Variants in AGAP1 observed in about 807,000 individuals in gnomAD.
AGAP1 encodes the protein arf-GAP with GTPase, ANK repeat and PH domain-containing protein 1.
Under a neutral mutation model 105.3 loss-of-function variants are expected in AGAP1, and 29 were observed. The observed-to-expected ratio is 0.28, with a 90% CI of 0.21 to 0.38. AGAP1 has a LOEUF of 0.38. AGAP1 is among the 10% of genes least tolerant of loss of function. AGAP1 has a pLI of 1.00. For synonymous variants in AGAP1, 509 were observed against 485.9 expected, an observed-to-expected ratio of 1.05 and a Z score of -0.63; for missense variants, 998 against 1,165.1, an observed-to-expected ratio of 0.86 and a Z score of 2.09.
rs1236095634 is a variant in AGAP1, at chr2:235,953,514, A to G, written c.1484-14948A>G. Reference sequence around the variant, plus strand: ...AAGTATACTGCATTTTTTTCCCTCCAGCATTTCAAAGACATTACTCAAATT... The same window carrying G: ...AAGTATACTGCATTTTTTTCCCTCCGGCATTTCAAAGACATTACTCAAATT... On this transcript the variant is annotated intron_variant, in intron 12 of 17. Transcript: ENST00000304032. This position sits in a 1 kb window ranked among gnomAD's most constrained non-coding sequence, Gnocchi z 5.2. Among the ~76,000 whole-genome samples, 1 of 152,190 alleles carries G rather than the reference A, an allele frequency of 6.6e-6. No homozygotes were observed. The highest frequency in any genetic ancestry group is 1.9e-4 in the East Asian group (1 of 5,198).
chr2:235,996,375 A>C (rs1393242365), intron 13 of AGAP1, among the ~76,000 whole-genome samples: 2 of 152,182 alleles, frequency 1.3e-5, no homozygotes, highest in African/African-American at 4.8e-5. Context: ...GGTGTCTTCT[A>C]ATTTTTTTAA....
chr2:236,114,540 G>A lies in AGAP1; in HGVS notation c.2115-5652G>A, dbSNP rs2059723654. ...CGTCTCACAGTTCTGGAGGCTGGAAGTCTGGAGTCAGGGTGCCCGCAGGGT... is the reference window on the plus strand; with the variant it reads ...CGTCTCACAGTTCTGGAGGCTGGAAATCTGGAGTCAGGGTGCCCGCAGGGT... On this transcript the variant is annotated intron_variant, in intron 16 of 17. Transcript: ENST00000304032. The surrounding 1 kb of genome is among the most constrained non-coding windows in gnomAD (Gnocchi z 5.0). Among the ~76,000 whole-genome samples the A allele has an allele frequency of 6.6e-6, 1 of 152,216 alleles. No individual in the cohort carries two copies. The highest frequency in any genetic ancestry group is 1.5e-5 in the Non-Finnish European group (1 of 68,046).
chr2:235,636,051 T>C (rs1410737475), intron 1 of AGAP1, among the ~76,000 whole-genome samples: 2 of 151,892 alleles, frequency 1.3e-5, no homozygotes, highest in African/African-American at 4.8e-5. Context: ...AGGTGGAGGT[T>C]GCAGTGAGCC....
At chr2:235,876,408 G>T (rs1347688956) in intron 9 of AGAP1, among the ~76,000 whole-genome samples, 4 of 152,112 alleles carry the variant, frequency 2.6e-5, no homozygotes, top group Non-Finnish European at 5.9e-5. Flanking sequence ...CGGCCCTTGC[G>T]TGCTAAACCT....
chr2:235,628,654 A>G (rs1574995186), intron 1 of AGAP1, among the ~76,000 whole-genome samples: 1 of 151,978 alleles, frequency 6.6e-6, no homozygotes, highest in African/African-American at 2.4e-5. Context: ...ATTGGGGAAC[A>G]GGTGGTGTTT....
In AGAP1 at chr2:235,566,464, A is replaced by G. The variant is rs931078010; in HGVS notation, c.163+71615A>G. 1 of 544,340 alleles carries G rather than the reference A, an allele frequency of 1.8e-6. No homozygotes were observed. Among genetic ancestry groups the G allele is most frequent in the African/African-American group, 2.1e-5 (1 of 48,536 alleles). The allele number at this position is 544,340 out of a possible 1,614,324, so 33.7% of individuals were successfully genotyped here. ...ATTAACTCGAGATCAATATTGATTT[A>G]CTGTTTTGTTTTTTTATTTCCAGAT... is the stretch of plus-strand genomic sequence containing the variant. On this transcript the variant is annotated intron_variant, in intron 1 of 17. Coordinates refer to ENST00000304032, the MANE Select transcript of AGAP1 (RefSeq NM_001037131.3). The surrounding 1 kb of genome is among the most constrained non-coding windows in gnomAD (Gnocchi z 5.2).
At chr2:235,629,017 G>T (rs1202794065) in intron 1 of AGAP1, among the ~76,000 whole-genome samples, 1 of 151,884 alleles carries the variant, frequency 6.6e-6, no homozygotes, top group East Asian at 1.9e-4. Flanking sequence ...TCACCATATT[G>T]GCCAGGCTGG....
chr2:235,671,637 CCT>C (rs1948437437), intron 1 of AGAP1, among the ~76,000 whole-genome samples: 1 of 152,162 alleles, frequency 6.6e-6, no homozygotes, highest in Non-Finnish European at 1.5e-5. Flanking sequence ...GACGGAGGCC[CCT>C]CTCTCCACAG....
At chr2:235,699,199 G>T (rs1950141218) in intron 1 of AGAP1, among the ~76,000 whole-genome samples, 2 of 152,152 alleles carry the variant, frequency 1.3e-5, no homozygotes, top group African/African-American at 4.8e-5. Flanking sequence ...TTGGTGGGGT[G>T]TTACTGCTGG....
At position 235,655,367 on chromosome 2, in the gene AGAP1, T is replaced by G. The variant is rs1316984549; in HGVS notation, c.164-53812T>G. On this transcript the variant is annotated intron_variant, in intron 1 of 17. Coordinates refer to ENST00000304032, the MANE Select transcript of AGAP1 (RefSeq NM_001037131.3). This position sits in a 1 kb window ranked among gnomAD's most constrained non-coding sequence, Gnocchi z 4.3. ...AGACAATAGATGGAAAGCTGGAAAGTGATGTGGCCTGAATTCCTTTCTAGG... is the reference window on the plus strand; with the variant it reads ...AGACAATAGATGGAAAGCTGGAAAGGGATGTGGCCTGAATTCCTTTCTAGG... 6.6e-6 allele frequency among the ~76,000 whole-genome samples: 1 copy of G among 152,186 alleles called. No homozygotes were observed. The highest frequency in any genetic ancestry group is 1.5e-5 in the Non-Finnish European group (1 of 68,040).
At chr2:235,652,343 C>T (rs1947624031) in intron 1 of AGAP1, among the ~76,000 whole-genome samples, 1 of 152,036 alleles carries the variant, frequency 6.6e-6, no homozygotes, top group African/African-American at 2.4e-5. Context: ...CCCCCCCTAC[C>T]CCCCAGGCCA....
rs1463727325 is a variant in AGAP1 at position 235,799,980 on chromosome 2, G to T, written c.957+458G>T. On this transcript the variant is annotated intron_variant, in intron 8 of 17. Coordinates refer to ENST00000304032, the MANE Select transcript of AGAP1 (RefSeq NM_001037131.3). This position sits in a 1 kb window ranked among gnomAD's most constrained non-coding sequence, Gnocchi z 5.0. ...GGGGACTGGGAGGTGCTTCCTGGAG[G>T]CTCATTGCCATGAGGCTCTCCACTT... Among the ~76,000 whole-genome samples, 3 of 152,076 alleles carry T rather than the reference G, an allele frequency of 2.0e-5. No individual in the cohort carries two copies. The highest frequency in any genetic ancestry group is 7.2e-5 in the African/African-American group (3 of 41,414).
chr2:235,570,812 C>T (rs903944868), intron 1 of AGAP1, among the ~76,000 whole-genome samples: 1 of 152,326 alleles, frequency 6.6e-6, no homozygotes, highest in Admixed American at 6.5e-5. Flanking sequence ...TGTGACACTA[C>T]GTGTAGGTGA....
chr2:235,703,954 G>C (rs1568067), intron 1 of AGAP1, among the ~76,000 whole-genome samples: 124,192 of 152,136 alleles, frequency 0.82, 51,203 homozygotes, highest in African/African-American at 0.9. Context: ...GGATTACAGG[G>C]GTGAGCCACC....
chr2:235,592,884 CCAGGAACACTGGTGTCT>C (rs1945398342), intron 1 of AGAP1, among the ~76,000 whole-genome samples: 2 of 152,138 alleles, frequency 1.3e-5, no homozygotes, highest in Non-Finnish European at 2.9e-5. Flanking sequence ...TGCACAGTTT[CCAGGAACACTGGTGTCT>C]CAGGGAGACA....
chr2:236,025,999 C>T (rs1251435711), intron 13 of AGAP1, among the ~76,000 whole-genome samples: 1 of 152,130 alleles, frequency 6.6e-6, no homozygotes, highest in African/African-American at 2.4e-5. Flanking sequence ...CTCAGAGGCA[C>T]CAGGCTCCCT....
At position 235,719,058 on chromosome 2, in the gene AGAP1, T is replaced by A. The variant is rs1951255554; in HGVS notation, c.310+1414T>A. Among the ~76,000 whole-genome samples, 1 of 152,182 alleles carries A rather than the reference T, an allele frequency of 6.6e-6. No homozygotes were observed. Among genetic ancestry groups the A allele is most frequent in the Non-Finnish European group, 1.5e-5 (1 of 68,040 alleles). Reference sequence around the variant, plus strand: ...TTTCAAGGGCTAGCTATTGTAGAGGTTATACAGAGGTTAACTCACCTGCAA... The same window carrying A: ...TTTCAAGGGCTAGCTATTGTAGAGGATATACAGAGGTTAACTCACCTGCAA... On this transcript the variant is annotated intron_variant, in intron 3 of 17. Transcript: ENST00000304032. The surrounding 1 kb of genome is among the most constrained non-coding windows in gnomAD (Gnocchi z 4.9).
rs1431045227 is a variant in AGAP1 at position 235,750,609 on chromosome 2, A to G, written c.673+121A>G. 9 of 1,432,418 alleles carry G rather than the reference A, an allele frequency of 6.3e-6. No homozygotes were observed. Among genetic ancestry groups the G allele is most frequent in the Non-Finnish European group, 8.7e-6 (9 of 1,031,974 alleles). 88.7% of individuals were successfully genotyped at this position (1,432,418 alleles called of 1,614,324 possible). ...GGAAATATGTCGTTGATGGGTGGGC[A>G]TTAGTATCGAGAGCAGTCCATTCCA... On this transcript the variant is annotated intron_variant, in intron 6 of 17. Transcript: ENST00000304032. The surrounding 1 kb of genome is among the most constrained non-coding windows in gnomAD (Gnocchi z 5.3).
chr2:235,741,685 G>A lies in AGAP1; in HGVS notation c.396+637G>A, dbSNP rs1202317742. Among the ~76,000 whole-genome samples the A allele has an allele frequency of 6.6e-6, 1 of 151,598 alleles. No individual in the cohort carries two copies. The highest frequency in any genetic ancestry group is 2.4e-5 in the African/African-American group (1 of 41,274). ...ACTTACAGCATAATTTACCAGTTAAGCACTTTATTATTATTGTTATTATTA... is the reference window on the plus strand; with the variant it reads ...ACTTACAGCATAATTTACCAGTTAAACACTTTATTATTATTGTTATTATTA... On this transcript the variant is annotated intron_variant, in intron 4 of 17. Transcript: ENST00000304032. The surrounding 1 kb of genome is among the most constrained non-coding windows in gnomAD (Gnocchi z 4.9).
Sources: allele counts gnomAD v4.1 joint callset (sites outside exome capture counted in the v4.1 genomes callset), GRCh38; gene constraint gnomAD v4.1.1; non-coding constraint Gnocchi (gnomAD v3.1); transcripts MANE v1.5; gene names NCBI Gene and HGNC (gene_info 2026-07-23, HGNC 2026-07-21).